ULK4: variants seen among roughly 807,000 people sequenced by gnomAD.
ULK4 encodes the protein inactive serine/threonine-protein kinase ULK4.
ULK4 carries 133 observed loss-of-function variants against 160.6 expected under a neutral mutation model. That is an observed-to-expected ratio of 0.83 (90% confidence interval 0.72 to 0.96). The LOEUF is 0.96. Ranked by LOEUF, ULK4 falls within the 40% of genes least tolerant of loss-of-function variation. ULK4 has a pLI of 0.00. For synonymous variants in ULK4, 534 were observed against 539.8 expected (o/e 0.99, Z 0.15); for missense variants, 1,580 against 1,499.5 (o/e 1.05, Z -0.89).
intron 8 of ULK4, chr3:41,915,331 A>ATTCTCC (rs1698929861): frequency 6.6e-6 from 1 of 152,174 alleles, no homozygotes; most frequent in African/African-American, 2.4e-5. Flanking sequence ...CACTAAATTT[A>ATTCTCC]TTCTCCATTT....
chr3:41,789,153 A>G (rs2040079008), intron 21 of ULK4, among the ~76,000 whole-genome samples: 1 of 152,188 alleles, frequency 6.6e-6, no homozygotes, highest in Non-Finnish European at 1.5e-5. Flanking sequence ...TGTGATACGA[A>G]TTTAGTACTT....
In ULK4 at chr3:41,786,470, T is replaced by G. The variant is rs532787626; in HGVS notation, c.2193+3191A>C. Reference sequence around the variant, plus strand: ...TACAAAAATTAGCCAGACATGGCGGTGCACGCCAGTAGTCCCAGCTACTCA... The same window carrying G: ...TACAAAAATTAGCCAGACATGGCGGGGCACGCCAGTAGTCCCAGCTACTCA... On this transcript the variant is annotated intron_variant, in intron 21 of 36. Coordinates refer to ENST00000301831, the MANE Select transcript of ULK4 (RefSeq NM_017886.4). Among the ~76,000 whole-genome samples, 7 of 151,808 alleles carry G rather than the reference T, an allele frequency of 4.6e-5. No homozygotes were observed. The South Asian group carries it at 1.5e-3, about 32-fold the overall frequency.
At chr3:41,706,381 T>TA (rs1268348890) in intron 25 of ULK4, among the ~76,000 whole-genome samples, 2 of 144,854 alleles carry the variant, frequency 1.4e-5, no homozygotes, top group African/African-American at 5.1e-5. Flanking sequence ...ATTTAATATA[T>TA]ATATTTATAT....
chr3:41,376,344 T>C (rs1166249615), intron 35 of ULK4, among the ~76,000 whole-genome samples: 3 of 150,150 alleles, frequency 2.0e-5, no homozygotes, highest in Admixed American at 6.6e-5. Flanking sequence ...TGCAGCACTA[T>C]TCACAATAGC....
At chr3:41,385,713 T>C (rs1025996953) in intron 35 of ULK4, among the ~76,000 whole-genome samples, 1 of 152,208 alleles carries the variant, frequency 6.6e-6, no homozygotes, top group Non-Finnish European at 1.5e-5. Flanking sequence ...AAACTTTAAA[T>C]TGCTTGCAGT....
chr3:41,504,262 T>A (rs1010621008), intron 32 of ULK4, among the ~76,000 whole-genome samples: 1 of 152,198 alleles, frequency 6.6e-6, no homozygotes, highest in African/African-American at 2.4e-5. Context: ...TGTCAACATC[T>A]GACATACTTT....
chr3:41,626,534 T>C (rs2033517555), intron 30 of ULK4, among the ~76,000 whole-genome samples: 1 of 151,358 alleles, frequency 6.6e-6, no homozygotes, highest in South Asian at 2.1e-4. Flanking sequence ...CATTGCTTTT[T>C]TTTTTTTTTT....
At chr3:41,947,197 G>A (rs1016758901) in intron 2 of ULK4, among the ~76,000 whole-genome samples, 1 of 152,170 alleles carries the variant, frequency 6.6e-6, no homozygotes, top group Non-Finnish European at 1.5e-5. Context: ...CATAGTCCCA[G>A]CTACTCGGGA....
At chr3:41,681,918 A>AGTGATT in intron 27 of ULK4, 114 bp from the exon 28 acceptor site, 1 of 1,074,004 alleles carries the variant, frequency 9.3e-7, no homozygotes, top group South Asian at 1.4e-5. Flanking sequence ...GAAAAAAAGC[A>AGTGATT]ACGGCTAAGT....
At chr3:41,938,471 CAGG>C (rs983139139) in intron 2 of ULK4, among the ~76,000 whole-genome samples, 3 of 152,106 alleles carry the variant, frequency 2.0e-5, no homozygotes, top group Admixed American at 6.6e-5. Context: ...CACTTGAGGT[CAGG>C]AGTACAAGAG....
Position 41,246,910 on chromosome 3 carries a change from G to C in ULK4, c.*19C>G, listed in dbSNP as rs373420715. The C allele has an allele frequency of 5.9e-5, 95 of 1,612,412 alleles. No individual in the cohort carries two copies. Among genetic ancestry groups the C allele is most frequent in the Non-Finnish European group, 8.1e-5 (95 of 1,179,474 alleles). ...AGGGCTGGGGCCACAGGGCGGGCTT[G>C]TGCTAAGCACCTTCTTGCCTAGTGC... is the stretch of plus-strand genomic sequence containing the variant. On this transcript the variant is annotated 3_prime_UTR_variant, in exon 37 of 37. Coordinates refer to ENST00000301831, the MANE Select transcript of ULK4 (RefSeq NM_017886.4).
chr3:41,587,829 T>C (rs1350138575), intron 31 of ULK4, among the ~76,000 whole-genome samples: 1 of 152,206 alleles, frequency 6.6e-6, no homozygotes, highest in African/African-American at 2.4e-5. Flanking sequence ...CTTTTTTAAA[T>C]ATCGGTTAAT....
chr3:41,328,505 G>A (rs1484159062), intron 35 of ULK4, among the ~76,000 whole-genome samples: 1 of 152,158 alleles, frequency 6.6e-6, no homozygotes, highest in Admixed American at 6.5e-5. Flanking sequence ...CAAGAGCAGA[G>A]AGAGGTGACT....
intron 18 of ULK4, among the ~76,000 whole-genome samples, chr3:41,827,391 C>G (rs2041399925): frequency 6.6e-6 from 1 of 151,840 alleles, no homozygotes; most frequent in South Asian, 2.1e-4. Context: ...TTGAAAAGAT[C>G]AACAAAATTG....
At chr3:41,863,638 C>T (rs2042555027) in intron 17 of ULK4, among the ~76,000 whole-genome samples, 1 of 151,950 alleles carries the variant, frequency 6.6e-6, no homozygotes, top group Non-Finnish European at 1.5e-5. Flanking sequence ...ATTCAGGGCC[C>T]AAAGGCTCTT....
In ULK4 at chr3:41,803,947, T is replaced by C. The variant is rs142728851; in HGVS notation, c.1849-3654A>G. On this transcript the variant is annotated intron_variant, in intron 19 of 36. Transcript: ENST00000301831. Reference sequence around the variant, plus strand: ...TGTGAATAGTGCCACAATAAACATATGTGTGCATGTGTCTTTATAGCAGCA... The same window carrying C: ...TGTGAATAGTGCCACAATAAACATACGTGTGCATGTGTCTTTATAGCAGCA... 5.3e-5 allele frequency among the ~76,000 whole-genome samples: 8 copies of C among 152,292 alleles called. No homozygotes were observed. The East Asian group carries it at 5.8e-4, about 11-fold the overall frequency.
intron 16 of ULK4, among the ~76,000 whole-genome samples, chr3:41,891,336 G>A (rs1281239754): frequency 7.8e-6 from 1 of 128,570 alleles, no homozygotes; most frequent in East Asian, 2.2e-4. Context: ...GGGACAAGAC[G>A]GGACTGGAGG....
chr3:41,832,550 C>A (rs781752496), intron 18 of ULK4, among the ~76,000 whole-genome samples: 2 of 152,122 alleles, frequency 1.3e-5, no homozygotes, highest in South Asian at 4.1e-4. Flanking sequence ...TTAATTAGAT[C>A]CCATTTGTCA....
intron 21 of ULK4, among the ~76,000 whole-genome samples, chr3:41,761,381 A>G (rs1288943818): frequency 6.7e-6 from 1 of 148,636 alleles, no homozygotes; most frequent in Non-Finnish European, 1.5e-5. Context: ...TACATATATT[A>G]GATTTATTAT....
Sources: gnomAD v4.1 joint callset for allele counts (sites outside exome capture counted in the v4.1 genomes callset) on GRCh38, gnomAD v4.1.1 for gene constraint, MANE v1.5 for transcripts, NCBI Gene and HGNC (gene_info 2026-07-23, HGNC 2026-07-21) for gene names.